ZBTB37: variants seen among roughly 807,000 people sequenced by gnomAD.
ZBTB37 encodes zinc finger and BTB domain containing 37, also known as zinc finger and BTB domain-containing protein 37.
In ZBTB37, 15 loss-of-function variants were observed where a neutral mutation model predicts 37.7. The observed-to-expected ratio is 0.40, with a 90% CI of 0.27 to 0.61. The LOEUF (loss-of-function observed/expected upper bound fraction) is 0.61, where lower values mean the gene tolerates loss of function less well. Among genes scored for constraint, ZBTB37 ranks in the 20% least tolerant of loss-of-function variants. ZBTB37 has a pLI of 0.44. For missense variants in ZBTB37, 514 were observed against 641.9 expected, an observed-to-expected ratio of 0.80 and a Z score of 2.15; for synonymous variants, 231 against 220.6, an observed-to-expected ratio of 1.05 and a Z score of -0.42.
At chr1:173,877,518 C>T (rs1360374995) in intron 4 of ZBTB37, among the ~76,000 whole-genome samples, 1 of 151,864 alleles carries the variant, frequency 6.6e-6, no homozygotes, top group African/African-American at 2.4e-5. Context: ...GTAGCTGGGA[C>T]CACTGGCATG....
At chr1:173,898,759 T>C (rs1657151093) in exon 4 of ZBTB37, 1 of 152,206 alleles carries the variant, frequency 6.6e-6, no homozygotes. Context: ...TATTTTCTGT[T>C]TGGGGCACTA....
chr1:173,886,216 G>A, exon 5 of ZBTB37: 1 of 1,458,266 alleles, frequency 6.9e-7, no homozygotes, highest in Non-Finnish European at 9.1e-7. Context: ...TTCACAAAAT[G>A]CCACATCACT....
exon 4 of ZBTB37, chr1:173,899,244 A>G (rs1453302144): frequency 6.6e-6 from 1 of 152,078 alleles, no homozygotes; most frequent in Non-Finnish European, 1.5e-5. Flanking sequence ...AAGCCATGCT[A>G]ATATCCTAGA....
At chr1:173,901,150 C>G (rs1474705625) in exon 4 of ZBTB37, 4 of 151,490 alleles carry the variant, frequency 2.6e-5, no homozygotes, top group African/African-American at 9.8e-5. Context: ...CTAGGAAATC[C>G]TTTCTAAGAC....
chr1:173,872,109 T>C (rs1357227438), intron 3 of ZBTB37, among the ~76,000 whole-genome samples: 1 of 152,158 alleles, frequency 6.6e-6, no homozygotes, highest in Non-Finnish European at 1.5e-5. Flanking sequence ...CGCTGTGTCG[T>C]CCAGGCTGGA....
At chr1:173,888,409 T>C (rs1479148357), downstream of ZBTB37, 6 of 152,062 alleles carry the variant, frequency 3.9e-5, no homozygotes, top group Non-Finnish European at 7.4e-5. Flanking sequence ...TGCTAGAAAG[T>C]TCTGTTTTTC....
intron 4 of ZBTB37, among the ~76,000 whole-genome samples, chr1:173,884,877 TACTC>T (rs1417922300): frequency 4.6e-5 from 7 of 152,210 alleles, no homozygotes; most frequent in East Asian, 1.9e-4. Context: ...ATATTACAAA[TACTC>T]AATAGCAACA....
chr1:173,889,244 A>G (rs1484971575), downstream of ZBTB37: 1 of 152,252 alleles, frequency 6.6e-6, no homozygotes, highest in Non-Finnish European at 1.5e-5. Flanking sequence ...TTAGCTAACA[A>G]CACATTGGTC....
In ZBTB37 at chr1:173,876,616, C is replaced by T. The variant is rs563961628; in HGVS notation, c.1023+3050C>T. Reference sequence around the variant, plus strand: ...TACAGACATGAGCCACCGTACCCAGCCTAAACCACTGAATATTTATTGTGT... The same window carrying T: ...TACAGACATGAGCCACCGTACCCAGTCTAAACCACTGAATATTTATTGTGT... On this transcript the variant is annotated intron_variant, in intron 4 of 4. Transcript: ENST00000427304. 2.6e-5 allele frequency among the ~76,000 whole-genome samples: 4 copies of T among 152,292 alleles called. No homozygotes were observed. The South Asian group carries it at 8.3e-4, about 32-fold the overall frequency.
chr1:173,877,173 A>G (rs1272291465), intron 4 of ZBTB37, among the ~76,000 whole-genome samples: 1 of 152,170 alleles, frequency 6.6e-6, no homozygotes, highest in Non-Finnish European at 1.5e-5. Flanking sequence ...GTTATGTGGT[A>G]CATAACTGTA....
chr1:173,870,502 T>G, exon 3 of ZBTB37: 1 of 1,614,258 alleles, frequency 6.2e-7, no homozygotes, highest in Non-Finnish European at 8.5e-7. Context: ...AGGGCGGATA[T>G]GCCTGCAACT....
chr1:173,875,603 A>G (rs1191136014), intron 4 of ZBTB37, among the ~76,000 whole-genome samples: 1 of 151,984 alleles, frequency 6.6e-6, no homozygotes, highest in Admixed American at 6.6e-5. Flanking sequence ...CTGGGATTGC[A>G]GATGTGAGCC....
At chr1:173,881,947 A>G (rs898376489) in intron 4 of ZBTB37, among the ~76,000 whole-genome samples, 132 of 151,740 alleles carry the variant, frequency 8.7e-4, no homozygotes, top group Non-Finnish European at 4.7e-4. Flanking sequence ...CCAGCTACTC[A>G]GGAGGCTAAG....
intron 4 of ZBTB37, among the ~76,000 whole-genome samples, chr1:173,878,385 A>G (rs935839229): frequency 1.3e-5 from 2 of 152,204 alleles, no homozygotes; most frequent in African/African-American, 4.8e-5. Context: ...TTTAGTACCA[A>G]TAAGTCTTTG....
exon 4 of ZBTB37, chr1:173,899,757 C>T (rs1040975865): frequency 2.6e-5 from 4 of 152,286 alleles, no homozygotes; most frequent in Non-Finnish European, 4.4e-5. Flanking sequence ...CAATCCAGTC[C>T]TCTTTGACCT....
exon 4 of ZBTB37, chr1:173,896,384 A>C (rs1171306830): frequency 2.0e-5 from 3 of 152,196 alleles, no homozygotes; most frequent in African/African-American, 7.2e-5. Flanking sequence ...GCCTTTGAAA[A>C]TATTGTCCCA....
chr1:173,874,961 A>G (rs1174117925), intron 4 of ZBTB37, among the ~76,000 whole-genome samples: 2 of 152,060 alleles, frequency 1.3e-5, no homozygotes, highest in African/African-American at 4.8e-5. Context: ...CGATGTCAGC[A>G]GAGTTTGGGA....
chr1:173,870,800 A>T (rs1277748490), exon 3 of ZBTB37: 1 of 1,614,230 alleles, frequency 6.2e-7, no homozygotes, highest in South Asian at 1.1e-5. Context: ...CCTCCTGAGG[A>T]GTCCACCAGC....
chr1:173,868,500 C>T (rs1267324130), intron 1 of ZBTB37, 95 bp downstream of exon 1: 1 of 153,682 alleles, frequency 6.5e-6, no homozygotes, highest in African/African-American at 2.4e-5. Context: ...GCAGCGCGCT[C>T]CTGGGGCGCT....
Sources: allele counts gnomAD v4.1 joint callset (sites outside exome capture counted in the v4.1 genomes callset), GRCh38; gene constraint gnomAD v4.1.1; transcripts MANE v1.5; gene names NCBI Gene and HGNC (gene_info 2026-07-23, HGNC 2026-07-21).